Variants in MYO1D observed in about 807,000 individuals in gnomAD.
MYO1D encodes myosin ID.
In MYO1D, 83 loss-of-function variants were observed where a neutral mutation model predicts 122.0. The ratio of observed to expected loss-of-function variants is 0.68; its 90% CI spans 0.57 to 0.82. The LOEUF is 0.82. Ranked by LOEUF, MYO1D falls within the 40% of genes least tolerant of loss-of-function variation. MYO1D has a pLI of 0.00. For synonymous variants in MYO1D, 464 were observed against 446.9 expected (o/e 1.04, Z -0.48); for missense variants, 1,157 against 1,269.5 (o/e 0.91, Z 1.35).
At chr17:32,575,468 G>T (rs965172771) in intron 21 of MYO1D, among the ~76,000 whole-genome samples, 1 of 152,168 alleles carries the variant, frequency 6.6e-6, no homozygotes, top group African/African-American at 2.4e-5. Flanking sequence ...AATTTTGCTT[G>T]GTTAAATAAA....
intron 1 of MYO1D, among the ~76,000 whole-genome samples, chr17:32,801,733 T>A (rs1182404963): frequency 1.3e-5 from 2 of 152,192 alleles, no homozygotes; most frequent in African/African-American, 4.8e-5. Context: ...ACCCCCTTCC[T>A]AGCTCTGTTT....
At chr17:32,691,900 CTG>C (rs2089107120) in intron 16 of MYO1D, among the ~76,000 whole-genome samples, 1 of 152,136 alleles carries the variant, frequency 6.6e-6, no homozygotes, top group African/African-American at 2.4e-5. Flanking sequence ...CTTAGCAACA[CTG>C]TGTATGATAT....
chr17:32,671,746 G>A (rs2088724590), intron 16 of MYO1D, among the ~76,000 whole-genome samples: 1 of 152,100 alleles, frequency 6.6e-6, no homozygotes, highest in South Asian at 2.1e-4. Context: ...TTAAAAAACT[G>A]GAAACATGTT....
intron 1 of MYO1D, among the ~76,000 whole-genome samples, chr17:32,826,510 A>G (rs1240850379): frequency 1.3e-5 from 2 of 152,244 alleles, no homozygotes; most frequent in Non-Finnish European, 2.9e-5. Flanking sequence ...ATTTGTAGAA[A>G]AATGTGCATC....
intron 16 of MYO1D, among the ~76,000 whole-genome samples, chr17:32,667,336 G>A (rs960385887): frequency 1.1e-4 from 17 of 152,262 alleles, no homozygotes; most frequent in Middle Eastern, 3.4e-3. Context: ...ATAAAGACTT[G>A]ATATGCTATT....
chr17:32,509,584 T>C (rs1316014902), intron 21 of MYO1D, among the ~76,000 whole-genome samples: 1 of 152,112 alleles, frequency 6.6e-6, no homozygotes, highest in Admixed American at 6.5e-5. Flanking sequence ...ATATTTCTTT[T>C]TTTCTTTCTT....
At chr17:32,637,368 A>T (rs2088116601) in intron 20 of MYO1D, among the ~76,000 whole-genome samples, 1 of 152,216 alleles carries the variant, frequency 6.6e-6, no homozygotes, top group African/African-American at 2.4e-5. Context: ...AGAAGACTAT[A>T]TATAATCAAG....
intron 16 of MYO1D, among the ~76,000 whole-genome samples, chr17:32,711,361 T>C (rs1186668211): frequency 6.6e-6 from 1 of 152,098 alleles, no homozygotes; most frequent in Non-Finnish European, 1.5e-5. Flanking sequence ...AAAAGTCCTT[T>C]ACGCAGCCGG....
intron 4 of MYO1D, among the ~76,000 whole-genome samples, chr17:32,774,269 A>G (rs1017564713): frequency 2.0e-5 from 3 of 152,226 alleles, no homozygotes; most frequent in Non-Finnish European, 4.4e-5. Flanking sequence ...CATGGATTGT[A>G]TACTCATCTA....
chr17:32,535,827 T>C (rs972630841), intron 21 of MYO1D, among the ~76,000 whole-genome samples: 1 of 152,214 alleles, frequency 6.6e-6, no homozygotes, highest in African/African-American at 2.4e-5. Context: ...TTAGATAATA[T>C]CTTTGAGGAT....
At chr17:32,706,249 G>C (rs796135327) in intron 16 of MYO1D, among the ~76,000 whole-genome samples, 6 of 152,248 alleles carry the variant, frequency 3.9e-5, no homozygotes, top group African/African-American at 1.4e-4. Flanking sequence ...TGGGATTATA[G>C]GTGCACGCTA....
intron 1 of MYO1D, among the ~76,000 whole-genome samples, chr17:32,857,455 G>A (rs2091036402): frequency 6.6e-6 from 1 of 151,924 alleles, no homozygotes; most frequent in Admixed American, 6.6e-5. Context: ...CGTGGTGGCG[G>A]GCACCTGTAG....
chr17:32,702,024 C>T (rs1177026144), intron 16 of MYO1D, among the ~76,000 whole-genome samples: 1 of 152,186 alleles, frequency 6.6e-6, no homozygotes, highest in Non-Finnish European at 1.5e-5. Context: ...AACATCATTG[C>T]TTAAGGAAAG....
At chr17:32,692,009 A>G (rs1446521159) in intron 16 of MYO1D, among the ~76,000 whole-genome samples, 6 of 152,104 alleles carry the variant, frequency 3.9e-5, no homozygotes, top group Non-Finnish European at 7.4e-5. Flanking sequence ...TCAGTTTTCT[A>G]GTGAGGTATC....
At chr17:32,744,394 C>T (rs1370120295) in intron 13 of MYO1D, among the ~76,000 whole-genome samples, 4 of 152,174 alleles carry the variant, frequency 2.6e-5, no homozygotes, top group Non-Finnish European at 5.9e-5. Flanking sequence ...TATTTTTCTG[C>T]ACAGCACTTG....
chr17:32,846,880 G>T (rs1419666903), intron 1 of MYO1D, among the ~76,000 whole-genome samples: 1 of 151,980 alleles, frequency 6.6e-6, no homozygotes, highest in African/African-American at 2.4e-5. Flanking sequence ...CAAGCTACTC[G>T]GGAGGCTGAG....
rs143645090 is a variant in MYO1D at position 32,500,190 on chromosome 17, G to A, written c.2865-5275C>T. Among the ~76,000 whole-genome samples the A allele has an allele frequency of 1.7e-3, 259 of 152,308 alleles. 1 individual carries two copies. The highest frequency in any genetic ancestry group is 5.8e-3 in the African/African-American group (239 of 41,560). ...CAGGTTCTGGACGTGCTGGGGCCGC[G>A]TAAGGCTGCAGGCCTCAGTCCATCT... On this transcript the variant is annotated intron_variant, in intron 21 of 21. Coordinates refer to ENST00000318217, the MANE Select transcript of MYO1D (RefSeq NM_015194.3).
At chr17:32,673,005 G>GA (rs1208877921) in intron 16 of MYO1D, among the ~76,000 whole-genome samples, 1 of 126,420 alleles carries the variant, frequency 7.9e-6, no homozygotes, top group Non-Finnish European at 1.7e-5. Flanking sequence ...ATACTTTAAA[G>GA]AAAAAAAAGT....
At chr17:32,501,662 C>T (rs1220828623) in intron 21 of MYO1D, among the ~76,000 whole-genome samples, 1 of 152,210 alleles carries the variant, frequency 6.6e-6, no homozygotes, top group African/African-American at 2.4e-5. Flanking sequence ...GAATCCAGCA[C>T]GTACCGGGAG....
Sources: gnomAD v4.1 joint callset for allele counts (sites outside exome capture counted in the v4.1 genomes callset) on GRCh38, gnomAD v4.1.1 for gene constraint, MANE v1.5 for transcripts, NCBI Gene and HGNC (gene_info 2026-07-23, HGNC 2026-07-21) for gene names.